The following LRIG1 variants were observed in gnomAD, a reference collection of about 807,000 sequenced individuals.
The protein encoded by LRIG1 is leucine-rich repeats and immunoglobulin-like domains protein 1.
Under a neutral mutation model 99.2 loss-of-function variants are expected in LRIG1, and 48 were observed. The ratio of observed to expected loss-of-function variants is 0.48; its 90% CI spans 0.38 to 0.62. The LOEUF is 0.62. Among genes scored for constraint, LRIG1 ranks in the 20% least tolerant of loss-of-function variants. The pLI, the probability that LRIG1 is intolerant of heterozygous loss-of-function variation, is 0.00. For missense variants in LRIG1, 1,646 were observed against 1,434.4 expected, an observed-to-expected ratio of 1.15 and a Z score of -2.38; for synonymous variants, 772 against 596.1, an observed-to-expected ratio of 1.29 and a Z score of -4.30.
At chr3:66,407,641 CCACAGA>C (rs1702323923) in intron 7 of LRIG1, 150 bp from the exon 8 acceptor site, 6 of 790,114 alleles carry the variant, frequency 7.6e-6, no homozygotes, top group Non-Finnish European at 1.2e-5. Flanking sequence ...ACACCCACAC[CCACAGA>C]ATCCTGGGGG....
rs1480169353 is a variant in LRIG1, at chr3:66,383,169, G to A, written c.2304C>T (p.Thr768=). 1 of 1,614,218 alleles carries A rather than the reference G, an allele frequency of 6.2e-7. No individual in the cohort carries two copies. Among genetic ancestry groups the A allele is most frequent in the Middle Eastern group, 1.6e-4 (1 of 6,062 alleles). ...GGCTGTGAGCTCGCTCCGTGCCCAG[G>A]GTGTTGGACATCTCACAGGTATATC... is the stretch of plus-strand genomic sequence containing the variant. ...AGRYTCEMSN[T]LGTERAHSQL... The change falls in exon 15 of 19, where the codon ACC becomes ACT. Residue 768 remains threonine (T), a synonymous_variant. Coordinates refer to ENST00000273261, the MANE Select transcript of LRIG1 (RefSeq NM_015541.3).
chr3:66,473,047 G>A (rs886430903), intron 1 of LRIG1, among the ~76,000 whole-genome samples: 6 of 152,108 alleles, frequency 3.9e-5, no homozygotes, highest in Non-Finnish European at 8.8e-5. Flanking sequence ...AGTGATTAGG[G>A]GTTTTTGTTG....
chr3:66,483,672 GTC>G (rs1700901850), intron 1 of LRIG1, among the ~76,000 whole-genome samples: 1 of 152,224 alleles, frequency 6.6e-6, no homozygotes, highest in African/African-American at 2.4e-5. Context: ...GGGGAAGGGT[GTC>G]TAGACAGCCT....
intron 3 of LRIG1, among the ~76,000 whole-genome samples, chr3:66,418,381 C>T (rs1702689950): frequency 6.6e-6 from 1 of 152,368 alleles, no homozygotes; most frequent in East Asian, 1.9e-4. Context: ...GCGTGAGCCA[C>T]CACAGCTGGC....
intron 1 of LRIG1, among the ~76,000 whole-genome samples, chr3:66,474,798 G>A (rs1700681686): frequency 6.6e-6 from 1 of 152,152 alleles, no homozygotes; most frequent in South Asian, 2.1e-4. Flanking sequence ...TTGCTAAACT[G>A]TATCTTAACC....
chr3:66,414,992 G>C lies in LRIG1; in HGVS notation c.575C>G (p.Thr192Ser), dbSNP rs773217279. 1 of 1,613,358 alleles carries C rather than the reference G, an allele frequency of 6.2e-7. No individual in the cohort carries two copies. Among genetic ancestry groups the C allele is most frequent in the South Asian group, 1.1e-5 (1 of 90,972 alleles). Residue 192 changes from threonine to serine, a missense_variant, in exon 5 of 19, where the codon ACT (threonine) becomes AGT (serine). Physicochemically the swap from Thr to Ser is moderately conservative, Grantham distance 58. Coordinates refer to ENST00000273261, the MANE Select transcript of LRIG1 (RefSeq NM_015541.3). ...GATCCTGTTTTTGCTCAGGCGAAGAGTTAGCAGCGACCGTGACAGACCATC... is the reference window on the plus strand; with the variant it reads ...GATCCTGTTTTTGCTCAGGCGAAGACTTAGCAGCGACCGTGACAGACCATC... ...AFDGLSRSLL[T>S]LRLSKNRITQ... is the part of the protein sequence containing the mutation.
intron 2 of LRIG1, among the ~76,000 whole-genome samples, chr3:66,460,183 C>T (rs982801458): frequency 1.3e-5 from 2 of 152,080 alleles, no homozygotes; most frequent in Non-Finnish European, 2.9e-5. Context: ...AGGAGATGCT[C>T]GAGTAAGTAT....
chr3:66,382,529 G>A (rs751876918), intron 15 of LRIG1, 131 bp from the exon 16 acceptor site: 2 of 1,070,330 alleles, frequency 1.9e-6, no homozygotes, highest in Non-Finnish European at 2.8e-6. Flanking sequence ...AGATGACATG[G>A]AGTCCATGTA....
chr3:66,417,586 A>C (rs1437997643), intron 3 of LRIG1: 1 of 328,084 alleles, frequency 3.0e-6, no homozygotes, highest in African/African-American at 2.1e-5. Flanking sequence ...CACTCACCAT[A>C]AAGGATGTGC....
At chr3:66,393,941 G>T in intron 12 of LRIG1, 99 bp downstream of exon 12, 2 of 1,287,768 alleles carry the variant, frequency 1.6e-6, no homozygotes, top group Non-Finnish European at 2.2e-6. Context: ...CACGGGCTGG[G>T]GTTTACTCTG....
intron 1 of LRIG1, among the ~76,000 whole-genome samples, chr3:66,469,907 C>CAA (rs55768550): frequency 0.089 from 10,230 of 115,512 alleles, 998 homozygotes; most frequent in African/African-American, 0.23. Context: ...CTGTCCCTAC[C>CAA]AAAAAAAAAA....
chr3:66,471,210 A>C (rs1330301260), intron 1 of LRIG1, among the ~76,000 whole-genome samples: 1 of 152,238 alleles, frequency 6.6e-6, no homozygotes, highest in Non-Finnish European at 1.5e-5. Flanking sequence ...AGTGCTTTGC[A>C]GAGGCTTGGA....
chr3:66,451,959 G>A (rs976403757), intron 2 of LRIG1, among the ~76,000 whole-genome samples: 2 of 152,116 alleles, frequency 1.3e-5, no homozygotes, highest in Admixed American at 6.5e-5. Flanking sequence ...GGACAAAAGC[G>A]CCCCTAAGAC....
chr3:66,480,614 A>G (rs960101164), intron 1 of LRIG1, among the ~76,000 whole-genome samples: 5 of 152,164 alleles, frequency 3.3e-5, no homozygotes, highest in Non-Finnish European at 4.4e-5. Flanking sequence ...CACCCAAAAG[A>G]ACACCCAGAA....
chr3:66,494,372 C>T (rs776421475), intron 1 of LRIG1, among the ~76,000 whole-genome samples: 2 of 152,194 alleles, frequency 1.3e-5, no homozygotes, highest in African/African-American at 2.4e-5. Flanking sequence ...GCGGCAAGAG[C>T]CCCTGCATAT....
In LRIG1 at chr3:66,432,718, C is replaced by G. The variant is rs531478202; in HGVS notation, c.366-15452G>C. Among the ~76,000 whole-genome samples, 5 of 152,242 alleles carry G rather than the reference C, an allele frequency of 3.3e-5. No homozygotes were observed. The East Asian group carries it at 7.7e-4, about 24-fold the overall frequency. ...CTAGTCAGGATGTGGAACTGCCTCA[C>G]CAGGGAAGCGGGCAGAAGAAACCTG... On this transcript the variant is annotated intron_variant, in intron 3 of 18. Transcript: ENST00000273261.
rs1362341572 is a variant in LRIG1 at position 66,500,591 on chromosome 3, G to A, written c.-184C>T. 1.7e-5 allele frequency: 6 copies of A among 361,600 alleles called. No homozygotes were observed. Among genetic ancestry groups the A allele is most frequent in the Non-Finnish European group, 2.9e-5 (6 of 204,498 alleles). 22.4% of individuals were successfully genotyped at this position (361,600 alleles called of 1,614,324 possible). A position where few individuals can be genotyped will look rare whatever the true frequency, so the allele number is the denominator to read the frequency against. Reference sequence around the variant, plus strand: ...TCAGCGTGCCCCCGGTGCCCGGGCCGCTCCGGAGCACCCGGCGGGGGCCGC... The same window carrying A: ...TCAGCGTGCCCCCGGTGCCCGGGCCACTCCGGAGCACCCGGCGGGGGCCGC... On this transcript the variant is annotated 5_prime_UTR_variant, in exon 1 of 19. Coordinates refer to ENST00000273261, the MANE Select transcript of LRIG1 (RefSeq NM_015541.3).
chr3:66,390,418 G>A (rs564724262), intron 12 of LRIG1, among the ~76,000 whole-genome samples: 1 of 152,182 alleles, frequency 6.6e-6, no homozygotes, highest in Non-Finnish European at 1.5e-5. Flanking sequence ...AGTAGTTGAA[G>A]ATGTGTACAC....
rs907260927 is a variant in LRIG1 at position 66,410,172 on chromosome 3, T to A, written c.892A>T (p.Ile298Phe). ...LHLSNNSIAR[I>F]HRKGWSFCQK... ...CAGAAGCTCCAGCCCTTGCGGTGAA[T>A]GCGAGCGATGGAATTGTTGCTGAGG... Residue 298 changes from isoleucine to phenylalanine, a missense_variant, in exon 7 of 19, where the codon ATT becomes TTT. Physicochemically the swap from Ile to Phe is conservative, Grantham distance 21. Transcript: ENST00000273261. The A allele has an allele frequency of 3.1e-6, 5 of 1,614,026 alleles. No individual in the cohort carries two copies. Among genetic ancestry groups the A allele is most frequent in the Non-Finnish European group, 3.4e-6 (4 of 1,179,966 alleles).
Sources: allele counts gnomAD v4.1 joint callset (sites outside exome capture counted in the v4.1 genomes callset), GRCh38; gene constraint gnomAD v4.1.1; transcripts MANE v1.5; gene names NCBI Gene and HGNC (gene_info 2026-07-23, HGNC 2026-07-21).